Variants in SLC41A2 observed in about 807,000 individuals in gnomAD.
The protein encoded by SLC41A2 is solute carrier family 41 member 2, also known as SLC41A1-like 1.
A neutral mutation model predicts 58.3 loss-of-function variants in SLC41A2; 32 were observed. The ratio of observed to expected loss-of-function variants is 0.55; its 90% confidence interval spans 0.41 to 0.74. The LOEUF (loss-of-function observed/expected upper bound fraction) is 0.74, where lower values mean the gene tolerates loss of function less well. Among genes scored for constraint, SLC41A2 ranks in the 30% least tolerant of loss-of-function variants. The pLI is 0.00. For missense variants in SLC41A2, 514 were observed against 680.6 expected (o/e 0.76, Z 2.72); for synonymous variants, 190 against 235.0 (o/e 0.81, Z 1.75).
chr12:104,879,551 G>T (rs1452537693), intron 6 of SLC41A2, among the ~76,000 whole-genome samples: 1 of 152,134 alleles, frequency 6.6e-6, no homozygotes, highest in Non-Finnish European at 1.5e-5. Flanking sequence ...ATTGAATAGG[G>T]AATCCTTCTC....
chr12:104,829,443 A>T (rs898330018), intron 10 of SLC41A2, among the ~76,000 whole-genome samples: 8 of 152,204 alleles, frequency 5.3e-5, no homozygotes, highest in Non-Finnish European at 1.0e-4. Flanking sequence ...AGGGAAATAT[A>T]ATTTATAGTG....
At chr12:104,887,363 C>T (rs2135654107) in intron 5 of SLC41A2, among the ~76,000 whole-genome samples, 1 of 151,928 alleles carries the variant, frequency 6.6e-6, no homozygotes, top group South Asian at 2.1e-4. Flanking sequence ...TAGAGTAGGG[C>T]TTAAATTCTT....
rs2044157733 is a variant in SLC41A2, at chr12:104,878,299, T to TATATA, written c.1027+7993_1027+7994insTATAT. ...AATCTGCAAATAATATACCTGTATTTTATATATATATATATATATATATAT... is the reference window on the plus strand; with the variant it reads ...AATCTGCAAATAATATACCTGTATTTATATATATATATATATATATATATATATAT... On this transcript the variant is annotated intron_variant, in intron 6 of 10. Coordinates refer to ENST00000258538, the MANE Select transcript of SLC41A2 (RefSeq NM_001352171.3). Among the ~76,000 whole-genome samples, 4 of 139,932 alleles carry TATATA rather than the reference T, an allele frequency of 2.9e-5. No homozygotes were observed. The East Asian group carries it at 6.9e-4, about 24-fold the overall frequency. The allele number at this position is 139,932 out of a possible 152,430, so 91.8% of individuals were successfully genotyped here. A position where few individuals can be genotyped will look rare whatever the true frequency, so the allele number is the denominator to read the frequency against.
At chr12:104,914,202 T>C (rs1217990488) in intron 2 of SLC41A2, among the ~76,000 whole-genome samples, 1 of 152,218 alleles carries the variant, frequency 6.6e-6, no homozygotes, top group African/African-American at 2.4e-5. Flanking sequence ...CAATCCTATG[T>C]ATTAAGTAGT....
intron 10 of SLC41A2, among the ~76,000 whole-genome samples, chr12:104,822,683 A>G (rs2041683723): frequency 6.6e-6 from 1 of 152,160 alleles, no homozygotes; most frequent in Admixed American, 6.5e-5. Context: ...ATAGAGACCT[A>G]TTTCTTAAGT....
intron 1 of SLC41A2, among the ~76,000 whole-genome samples, chr12:104,955,873 C>T (rs2048148803): frequency 1.3e-5 from 2 of 152,092 alleles, no homozygotes. Context: ...ACTTTAGTGC[C>T]ATCAAAAATA....
At chr12:104,876,671 T>TTTA (rs1451494687) in intron 6 of SLC41A2, among the ~76,000 whole-genome samples, 11 of 152,288 alleles carry the variant, frequency 7.2e-5, no homozygotes, top group African/African-American at 2.6e-4. Flanking sequence ...AAAGTCTTCT[T>TTTA]TGTTAAGACT....
chr12:104,884,159 T>C (rs1677547148), intron 6 of SLC41A2, among the ~76,000 whole-genome samples: 1 of 152,220 alleles, frequency 6.6e-6, no homozygotes, highest in African/African-American at 2.4e-5. Flanking sequence ...AAGTGTGGGA[T>C]ATAATCTCCT....
chr12:104,866,613 A>G, intron 6 of SLC41A2, 34 bp from the exon 7 acceptor site: 1 of 1,500,324 alleles, frequency 6.7e-7, no homozygotes, highest in Non-Finnish European at 9.0e-7. Flanking sequence ...AAGAGAGACA[A>G]CATTTAAATC....
chr12:104,921,608 T>C (rs1342595225), intron 2 of SLC41A2, among the ~76,000 whole-genome samples: 3 of 150,550 alleles, frequency 2.0e-5, no homozygotes, highest in Non-Finnish European at 4.4e-5. Flanking sequence ...TTATAAGAAA[T>C]ACTAAAGGGA....
rs796361762 is a variant in SLC41A2, at chr12:104,923,766, T to C, written c.555+4207A>G. On this transcript the variant is annotated intron_variant, in intron 2 of 10. Transcript: ENST00000258538. ...ATACAACTATTGAACCATGAAGAAA[T>C]AGAAAACCTCAAGAAACCAGTAACC... Among the ~76,000 whole-genome samples the C allele has an allele frequency of 1.6e-4, 25 of 152,152 alleles. No homozygotes were observed. In the East Asian group the frequency reaches 3.5e-3, roughly 21 times the overall value.
In SLC41A2 at chr12:104,918,521, A is replaced by T. The variant is rs80291824; in HGVS notation, c.556-8759T>A. On this transcript the variant is annotated intron_variant, in intron 2 of 10. Transcript: ENST00000258538. ...AAGAGCTCTAAGACAAATTAAGAAGATCAAAGTGAAGAGCAACATTATAGA... is the reference window on the plus strand; with the variant it reads ...AAGAGCTCTAAGACAAATTAAGAAGTTCAAAGTGAAGAGCAACATTATAGA... 4.8e-3 allele frequency among the ~76,000 whole-genome samples: 727 copies of T among 152,112 alleles called. 1 individual carries two copies. Among genetic ancestry groups the T allele is most frequent in the Middle Eastern group, 0.017 (5 of 294 alleles).
chr12:104,857,732 A>G (rs1367914268), intron 8 of SLC41A2, among the ~76,000 whole-genome samples: 6 of 151,638 alleles, frequency 4.0e-5, no homozygotes, highest in African/African-American at 1.5e-4. Context: ...GGAAACCATC[A>G]TTCTCAGCAA....
At chr12:104,828,188 C>T (rs918224357) in intron 10 of SLC41A2, among the ~76,000 whole-genome samples, 18 of 152,170 alleles carry the variant, frequency 1.2e-4, no homozygotes, top group Non-Finnish European at 2.4e-4. Context: ...CGACAGGCAC[C>T]GGCATGCTGG....
chr12:104,833,924 A>T (rs1388347955), intron 10 of SLC41A2: 1 of 658,592 alleles, frequency 1.5e-6, no homozygotes, highest in African/African-American at 2.0e-5. Context: ...TTTGTAGATG[A>T]TGTGAAAATT....
In SLC41A2 at chr12:104,921,975, A is replaced by G. The variant is rs373778622; in HGVS notation, c.555+5998T>C. ...TGTCATCTCTTTAAAATAACATTAT[A>G]AGATTTTTTTTTAAGCCTTATGGTA... On this transcript the variant is annotated intron_variant, in intron 2 of 10. Transcript: ENST00000258538. Among the ~76,000 whole-genome samples the G allele has an allele frequency of 1.2e-3, 189 of 152,266 alleles. 7 individuals are homozygous for G. In the South Asian group the frequency reaches 0.036, roughly 29 times the overall value.
chr12:104,814,246 T>C (rs924144394), intron 10 of SLC41A2, among the ~76,000 whole-genome samples: 19 of 151,750 alleles, frequency 1.3e-4, no homozygotes, highest in African/African-American at 4.1e-4. Context: ...TCTACAAAAA[T>C]TATAAAAATT....
rs1395828636 is a variant in SLC41A2, at chr12:104,824,714, C to A, written c.1537-19377G>T. ...GGGCTTCAGTTGCAAACATTCACCCCTAGACAATGCTGTGGGGTCAGAGCC... is the reference window on the plus strand; with the variant it reads ...GGGCTTCAGTTGCAAACATTCACCCATAGACAATGCTGTGGGGTCAGAGCC... On this transcript the variant is annotated intron_variant, in intron 10 of 10. Coordinates refer to ENST00000258538, the MANE Select transcript of SLC41A2 (RefSeq NM_001352171.3). Among the ~76,000 whole-genome samples the A allele has an allele frequency of 2.0e-5, 3 of 152,152 alleles. No homozygotes were observed. In the East Asian group the frequency reaches 5.8e-4, roughly 29 times the overall value.
At chr12:104,917,346 G>C (rs983044958) in intron 2 of SLC41A2, among the ~76,000 whole-genome samples, 3 of 152,106 alleles carry the variant, frequency 2.0e-5, no homozygotes, top group Non-Finnish European at 4.4e-5. Flanking sequence ...AGAGGATGTG[G>C]AGAAATAGGA....
Sources: allele counts gnomAD v4.1 joint callset (sites outside exome capture counted in the v4.1 genomes callset), GRCh38; gene constraint gnomAD v4.1.1; transcripts MANE v1.5; gene names NCBI Gene and HGNC (gene_info 2026-07-23, HGNC 2026-07-21).